Variants in TBC1D15 observed in about 807,000 individuals in gnomAD.
TBC1D15 encodes the protein GAP for RAB7.
In TBC1D15, 39 loss-of-function variants were observed where a neutral mutation model predicts 95.4. The ratio of observed to expected loss-of-function variants is 0.41; its 90% CI spans 0.32 to 0.53. The LOEUF is 0.53. TBC1D15 is among the 20% of genes least tolerant of loss of function. TBC1D15 has a pLI of 0.29. For missense variants in TBC1D15, 733 were observed against 794.3 expected, an observed-to-expected ratio of 0.92 and a Z score of 0.93; for synonymous variants, 258 against 261.3, an observed-to-expected ratio of 0.99 and a Z score of 0.12.
At chr12:71,841,088 T>C (rs918709900) in intron 1 of TBC1D15, 8 of 152,230 alleles carry the variant, frequency 5.3e-5, no homozygotes, top group Non-Finnish European at 8.8e-5. Flanking sequence ...AGTTTTTTTC[T>C]TTTTATATTC....
At position 71,893,120 on chromosome 12, in the gene TBC1D15, G is replaced by GTTT. The variant is rs77560730; in HGVS notation, c.555-90_555-88dup. The GTTT allele has an allele frequency of 2.4e-3, 1,093 of 461,048 alleles. 9 individuals carry two copies. The highest frequency in any genetic ancestry group is 2.6e-3 in the Non-Finnish European group (741 of 284,698). The allele number at this position is 461,048 out of a possible 1,614,324, so 28.6% of individuals were successfully genotyped here. A position where few individuals can be genotyped will look rare whatever the true frequency, so the allele number is the denominator to read the frequency against. On this transcript the variant is annotated intron_variant, in intron 5 of 16. Transcript: ENST00000485960. ...ATGGAAAACTGTTAAAATATTTTGG[G>GTTT]TTTTTTTTTTTTTTGGTAAGGAACA...
At chr12:71,870,326 C>G (rs978004511) in intron 1 of TBC1D15, among the ~76,000 whole-genome samples, 1 of 151,936 alleles carries the variant, frequency 6.6e-6, no homozygotes, top group African/African-American at 2.4e-5. Context: ...GTACATTTAT[C>G]TGTAGGCTTT....
At chr12:71,840,147 T>G (rs559830426) in intron 1 of TBC1D15, among the ~76,000 whole-genome samples, 11 of 152,236 alleles carry the variant, frequency 7.2e-5, no homozygotes, top group Non-Finnish European at 1.6e-4. Context: ...TCTAGTTCTT[T>G]ATGTCTACTC....
intron 1 of TBC1D15, among the ~76,000 whole-genome samples, chr12:71,847,344 A>G (rs533222614): frequency 1.1e-3 from 162 of 152,152 alleles, no homozygotes; most frequent in Admixed American, 3.4e-3. Flanking sequence ...TTTATTCAGG[A>G]TAATTATTTT....
At chr12:71,873,800 A>G (rs1036129074) in intron 3 of TBC1D15, among the ~76,000 whole-genome samples, 3 of 152,232 alleles carry the variant, frequency 2.0e-5, no homozygotes, top group East Asian at 3.8e-4. Flanking sequence ...CTGTAAACAA[A>G]TCATCACAAA....
intron 3 of TBC1D15, among the ~76,000 whole-genome samples, chr12:71,875,213 A>G (rs1893539735): frequency 6.6e-6 from 1 of 152,222 alleles, no homozygotes; most frequent in African/African-American, 2.4e-5. Flanking sequence ...TGCTGGCATT[A>G]CAGGGTAGTT....
At position 71,853,186 on chromosome 12, in the gene TBC1D15, C is replaced by T. The variant is rs563328323; in HGVS notation, c.30+13375C>T. ...TGGCGGAAGGCAAAGAGCGAGCCAA[C>T]ACTTCACATAGAGCAGGAGGAATAG... On this transcript the variant is annotated intron_variant, in intron 1 of 16. Transcript: ENST00000485960. Among the ~76,000 whole-genome samples the T allele has an allele frequency of 3.3e-5, 5 of 152,304 alleles. No homozygotes were observed. In the South Asian group the frequency reaches 1.0e-3, roughly 32 times the overall value.
At chr12:71,848,436 C>T (rs1886883479) in intron 1 of TBC1D15, among the ~76,000 whole-genome samples, 1 of 152,122 alleles carries the variant, frequency 6.6e-6, no homozygotes, top group South Asian at 2.1e-4. Flanking sequence ...TCTGTAATGA[C>T]TAATGGTGTT....
chr12:71,876,029 G>A (rs372863418), intron 3 of TBC1D15, among the ~76,000 whole-genome samples: 159 of 152,158 alleles, frequency 1.0e-3, no homozygotes, highest in Middle Eastern at 0.01. Context: ...TCCTGACCTC[G>A]TGATCTGCCT....
At chr12:71,877,249 A>G in intron 3 of TBC1D15, among the ~76,000 whole-genome samples, 1 of 117,104 alleles carries the variant, frequency 8.5e-6, no homozygotes, top group Non-Finnish European at 1.8e-5. Context: ...GCTTTTAATT[A>G]TTGTCTTTTT....
Position 71,875,008 on chromosome 12 carries a change from C to T in TBC1D15, c.204+2005C>T, listed in dbSNP as rs150068565. 5.0e-3 allele frequency among the ~76,000 whole-genome samples: 762 copies of T among 151,266 alleles called. 6 individuals carry two copies. Among genetic ancestry groups the T allele is most frequent in the African/African-American group, 0.017 (709 of 41,156 alleles). On this transcript the variant is annotated intron_variant, in intron 3 of 16. Coordinates refer to ENST00000485960, the MANE Select transcript of TBC1D15 (RefSeq NM_001146213.3). The stretch of plus-strand genomic sequence containing the variant: ...CAGGCTGGAGTGCATGGTGTGATCT[C>T]GGCTCACTGCAACCTCCGCCTCCTG...
chr12:71,871,567 GA>G (rs140332520), intron 1 of TBC1D15, among the ~76,000 whole-genome samples: 3,696 of 151,104 alleles, frequency 0.024, 143 homozygotes, highest in African/African-American at 0.084. Context: ...TAATGCTCAT[GA>G]AAAAAAAATA....
At chr12:71,910,470 G>A (rs1277089121) in intron 11 of TBC1D15, among the ~76,000 whole-genome samples, 3 of 151,616 alleles carry the variant, frequency 2.0e-5, no homozygotes, top group East Asian at 1.9e-4. Context: ...CCATTTTCAC[G>A]ATATTGATTC....
intron 5 of TBC1D15, among the ~76,000 whole-genome samples, chr12:71,886,918 G>A (rs1896338580): frequency 6.6e-6 from 1 of 152,098 alleles, no homozygotes; most frequent in African/African-American, 2.4e-5. Flanking sequence ...AGATCATTTG[G>A]TCTGAGACTG....
intron 1 of TBC1D15, 68 bp downstream of exon 1, chr12:71,839,879 C>G (rs1316924105): frequency 6.3e-7 from 1 of 1,595,690 alleles, no homozygotes; most frequent in Non-Finnish European, 8.6e-7. Flanking sequence ...TCCCTGGCAG[C>G]TGGTTGGGGG....
chr12:71,872,308 G>A, intron 2 of TBC1D15, 140 bp downstream of exon 2: 1 of 486,102 alleles, frequency 2.1e-6, no homozygotes. Flanking sequence ...ACACCGAAAT[G>A]ATGTAATAGT....
intron 1 of TBC1D15, among the ~76,000 whole-genome samples, chr12:71,857,515 A>C (rs368836496): frequency 9.2e-5 from 14 of 152,354 alleles, no homozygotes; most frequent in African/African-American, 2.6e-4. Context: ...ATTAAGAAAT[A>C]TCTTCATTAT....
chr12:71,851,222 C>T (rs1308689010), intron 1 of TBC1D15, among the ~76,000 whole-genome samples: 1 of 152,020 alleles, frequency 6.6e-6, no homozygotes, highest in Non-Finnish European at 1.5e-5. Flanking sequence ...TTTTAAACAA[C>T]CAGATCTCAT....
At chr12:71,910,112 A>G (rs1184605100) in intron 11 of TBC1D15, among the ~76,000 whole-genome samples, 8 of 152,124 alleles carry the variant, frequency 5.3e-5, no homozygotes, top group Middle Eastern at 3.4e-3. Flanking sequence ...CATTTATTAA[A>G]TAGGGAATCC....
Sources: allele counts gnomAD v4.1 joint callset (sites outside exome capture counted in the v4.1 genomes callset), GRCh38; gene constraint gnomAD v4.1.1; transcripts MANE v1.5; gene names NCBI Gene and HGNC (gene_info 2026-07-23, HGNC 2026-07-21).